The following MACROD2 variants were observed in gnomAD, a reference collection of about 807,000 sequenced individuals.
The protein encoded by MACROD2 is mono-ADP ribosylhydrolase 2.
MACROD2 carries 36 observed loss-of-function variants against 70.4 expected under a neutral mutation model. The observed-to-expected ratio is 0.51, with a 90% CI of 0.39 to 0.68. The LOEUF (loss-of-function observed/expected upper bound fraction) is 0.68, where lower values mean the gene tolerates loss of function less well. Among genes scored for constraint, MACROD2 ranks in the 30% least tolerant of loss-of-function variants. The pLI is 0.00. For synonymous variants in MACROD2, 172 were observed against 178.8 expected, an observed-to-expected ratio of 0.96 and a Z score of 0.30; for missense variants, 496 against 538.4, an observed-to-expected ratio of 0.92 and a Z score of 0.78.
intron 3 of MACROD2, among the ~76,000 whole-genome samples, chr20:14,476,804 A>G (rs911461564): frequency 2.6e-5 from 4 of 152,240 alleles, no homozygotes; most frequent in African/African-American, 9.6e-5. Context: ...AGAGGAATAA[A>G]TAAGGTAATT....
At chr20:14,295,431 G>A (rs1201339853) in intron 3 of MACROD2, among the ~76,000 whole-genome samples, 3 of 151,854 alleles carry the variant, frequency 2.0e-5, no homozygotes, top group East Asian at 1.9e-4. Context: ...CTCTGAGGCT[G>A]ATTTCAGGCC....
At chr20:14,860,408 G>C (rs1018646165) in intron 5 of MACROD2, among the ~76,000 whole-genome samples, 2 of 151,974 alleles carry the variant, frequency 1.3e-5, no homozygotes, top group African/African-American at 4.8e-5. Flanking sequence ...TCCCCTTTGT[G>C]AAGCTGGGTG....
At chr20:14,193,873 T>G (rs1056549962) in intron 3 of MACROD2, among the ~76,000 whole-genome samples, 5 of 151,850 alleles carry the variant, frequency 3.3e-5, no homozygotes, top group African/African-American at 1.2e-4. Flanking sequence ...AAATGGAAAA[T>G]AATGAGCACA....
chr20:14,310,419 A>G (rs1159407973), intron 3 of MACROD2, among the ~76,000 whole-genome samples: 3 of 152,162 alleles, frequency 2.0e-5, no homozygotes, highest in Non-Finnish European at 2.9e-5. Context: ...CCATAAGATT[A>G]TAATGGAGCT....
chr20:15,583,853 G>A (rs948391178), intron 8 of MACROD2, among the ~76,000 whole-genome samples: 1 of 152,118 alleles, frequency 6.6e-6, no homozygotes, highest in African/African-American at 2.4e-5. Flanking sequence ...TGTTGGCCAG[G>A]CTGGTCTCAA....
intron 5 of MACROD2, among the ~76,000 whole-genome samples, chr20:14,719,555 G>A (rs2071440005): frequency 6.6e-6 from 1 of 151,784 alleles, no homozygotes. Flanking sequence ...ATGGGGGCCT[G>A]ATTACTAAAA....
intron 2 of MACROD2, among the ~76,000 whole-genome samples, chr20:14,062,141 T>C (rs777872482): frequency 1.1e-4 from 16 of 152,166 alleles, no homozygotes; most frequent in Non-Finnish European, 1.9e-4. Flanking sequence ...TATAAGCCTT[T>C]CTATTATTGT....
intron 4 of MACROD2, among the ~76,000 whole-genome samples, chr20:14,653,494 A>C (rs1296694321): frequency 6.6e-6 from 1 of 151,156 alleles, no homozygotes; most frequent in African/African-American, 2.4e-5. Context: ...CTGGGACTGC[A>C]GGCGTGAGCC....
chr20:14,259,418 T>A (rs933156536), intron 3 of MACROD2, among the ~76,000 whole-genome samples: 1 of 152,204 alleles, frequency 6.6e-6, no homozygotes, highest in Non-Finnish European at 1.5e-5. Flanking sequence ...TAGCCCAAGT[T>A]CTATCCTTTG....
At chr20:14,661,412 T>C (rs1246774563) in intron 4 of MACROD2, among the ~76,000 whole-genome samples, 2 of 152,202 alleles carry the variant, frequency 1.3e-5, no homozygotes, top group Non-Finnish European at 2.9e-5. Flanking sequence ...GTTTTTTTCT[T>C]ATTGAGTTGT....
At chr20:15,752,777 A>G (rs1286916177) in intron 8 of MACROD2, among the ~76,000 whole-genome samples, 1 of 152,040 alleles carries the variant, frequency 6.6e-6, no homozygotes, top group Non-Finnish European at 1.5e-5. Context: ...AAATCACAGT[A>G]CCTCACCAAG....
chr20:15,949,433 C>T (rs1020772256), intron 12 of MACROD2, among the ~76,000 whole-genome samples: 13 of 152,098 alleles, frequency 8.5e-5, no homozygotes, highest in Non-Finnish European at 1.9e-4. Flanking sequence ...TAACAGGTAA[C>T]ATTCAAAATA....
intron 8 of MACROD2, among the ~76,000 whole-genome samples, chr20:15,732,160 G>A (rs1363940711): frequency 6.6e-6 from 1 of 151,690 alleles, no homozygotes; most frequent in Admixed American, 6.6e-5. Flanking sequence ...AATGGCAGCG[G>A]AGGGTTGAGC....
intron 4 of MACROD2, among the ~76,000 whole-genome samples, chr20:14,589,046 A>T (rs762578563): frequency 1.3e-5 from 2 of 152,096 alleles, no homozygotes; most frequent in East Asian, 1.9e-4. Flanking sequence ...GTCCTGTATG[A>T]CTTTCTGTTT....
chr20:14,708,788 T>G (rs2071302111), intron 5 of MACROD2, among the ~76,000 whole-genome samples: 1 of 152,106 alleles, frequency 6.6e-6, no homozygotes, highest in African/African-American at 2.4e-5. Context: ...CAGCTAATTT[T>G]TTTGTATTTT....
intron 8 of MACROD2, among the ~76,000 whole-genome samples, chr20:15,534,110 A>G (rs1339300168): frequency 1.3e-5 from 2 of 152,172 alleles, no homozygotes; most frequent in Admixed American, 6.5e-5. Context: ...CAAGCCAGAA[A>G]ATCTATATGT....
At chr20:14,718,088 T>A (rs932836524) in intron 5 of MACROD2, among the ~76,000 whole-genome samples, 19 of 150,642 alleles carry the variant, frequency 1.3e-4, no homozygotes, top group Non-Finnish European at 2.2e-4. Flanking sequence ...AGGTCAGGAG[T>A]TCGAGATCAG....
chr20:14,260,176 T>C (rs1251931653), intron 3 of MACROD2, among the ~76,000 whole-genome samples: 2 of 152,170 alleles, frequency 1.3e-5, no homozygotes, highest in East Asian at 1.9e-4. Flanking sequence ...AACACTGTTT[T>C]GTGTGTGTGT....
intron 4 of MACROD2, among the ~76,000 whole-genome samples, chr20:14,587,198 T>C (rs1427339777): frequency 6.6e-6 from 1 of 151,966 alleles, no homozygotes; most frequent in Non-Finnish European, 1.5e-5. Context: ...TTAAAATGTT[T>C]GATTCATTAG....
Sources: allele counts gnomAD v4.1 joint callset (sites outside exome capture counted in the v4.1 genomes callset), GRCh38; gene constraint gnomAD v4.1.1; transcripts MANE v1.5; gene names NCBI Gene and HGNC (gene_info 2026-07-23, HGNC 2026-07-21).